RNF38: variants seen among roughly 807,000 people sequenced by gnomAD.
RNF38 encodes E3 ubiquitin-protein ligase RNF38.
RNF38 carries 15 observed loss-of-function variants against 67.2 expected under a neutral mutation model. The ratio of observed to expected loss-of-function variants is 0.22; its 90% confidence interval spans 0.15 to 0.34. The LOEUF (loss-of-function observed/expected upper bound fraction) is 0.34, where lower values mean the gene tolerates loss of function less well. Ranked by LOEUF, RNF38 falls within the 10% of genes least tolerant of loss-of-function variation. The pLI, the probability that RNF38 is intolerant of heterozygous loss-of-function variation, is 1.00. For missense variants in RNF38, 524 were observed against 639.9 expected (o/e 0.82, Z 1.95); for synonymous variants, 220 against 218.8 (o/e 1.01, Z -0.05).
chr9:36,397,496 T>C (rs988798508), intron 1 of RNF38, among the ~76,000 whole-genome samples: 2 of 152,206 alleles, frequency 1.3e-5, no homozygotes, highest in African/African-American at 4.8e-5. Flanking sequence ...TGTTCATTAC[T>C]GCCCAGCACC....
chr9:36,451,742 C>T (rs1183259038), intron 1 of RNF38, among the ~76,000 whole-genome samples: 8 of 151,282 alleles, frequency 5.3e-5, no homozygotes, highest in Admixed American at 4.6e-4. Flanking sequence ...TCAGGTGATC[C>T]GCCCACCTCG....
intron 4 of RNF38, among the ~76,000 whole-genome samples, chr9:36,360,361 T>C (rs989633774): frequency 1.3e-5 from 2 of 152,174 alleles, no homozygotes; most frequent in Non-Finnish European, 2.9e-5. Flanking sequence ...TAAATTCTGG[T>C]ATTTTTAAAA....
At chr9:36,475,901 C>G (rs1232721898) in intron 1 of RNF38, among the ~76,000 whole-genome samples, 1 of 149,680 alleles carries the variant, frequency 6.7e-6, no homozygotes, top group Non-Finnish European at 1.5e-5. Flanking sequence ...CCCAGCTACT[C>G]TGGAGGCTGA....
At chr9:36,408,666 C>G (rs938337094) in intron 2 of RNF38, among the ~76,000 whole-genome samples, 2 of 152,012 alleles carry the variant, frequency 1.3e-5, no homozygotes, top group African/African-American at 4.8e-5. Context: ...AGCTGGTGAC[C>G]AATGGGCCAT....
At chr9:36,356,881 T>A (rs1834160496) in intron 5 of RNF38, among the ~76,000 whole-genome samples, 1 of 152,188 alleles carries the variant, frequency 6.6e-6, no homozygotes, top group African/African-American at 2.4e-5. Flanking sequence ...CCTAGGATTT[T>A]CATAAGAGCA....
intron 1 of RNF38, among the ~76,000 whole-genome samples, chr9:36,445,971 TC>T (rs1168302005): frequency 4.6e-5 from 7 of 152,190 alleles, no homozygotes; most frequent in Non-Finnish European, 1.0e-4. Flanking sequence ...TGTTTTATTC[TC>T]CCACGTGCAT....
At chr9:36,440,607 G>A (rs1048141629) in intron 1 of RNF38, among the ~76,000 whole-genome samples, 2 of 150,382 alleles carry the variant, frequency 1.3e-5, no homozygotes, top group African/African-American at 4.9e-5. Flanking sequence ...CTGTTAAGTG[G>A]AAAAAAAAAG....
At chr9:36,379,061 T>C (rs1303167858) in intron 2 of RNF38, among the ~76,000 whole-genome samples, 1 of 152,052 alleles carries the variant, frequency 6.6e-6, no homozygotes, top group East Asian at 1.9e-4. Flanking sequence ...CCACCATGCC[T>C]GGCTAATTTC....
chr9:36,457,299 C>G (rs963784253), intron 1 of RNF38, among the ~76,000 whole-genome samples: 4 of 152,184 alleles, frequency 2.6e-5, no homozygotes, highest in African/African-American at 9.7e-5. Context: ...ATACTGCATA[C>G]AGGTAACACT....
chr9:36,339,781 C>T lies in RNF38; in HGVS notation c.1519G>A (p.Ala507Thr). ...TCTGAATCCCGATGCACTTCTGAAGCATCAGCTCGGCAAATTGGGCAAGTA... is the reference window on the plus strand; with the variant it reads ...TCTGAATCCCGATGCACTTCTGAAGTATCAGCTCGGCAAATTGGGCAAGTA... ...NRTCPICRAD[A>T]SEVHRDSE The change falls in exon 12 of 12, where the codon GCT becomes ACT. Residue 507 changes from alanine (A) to threonine (T), a missense_variant. Physicochemically the swap from Ala to Thr is moderately conservative, Grantham distance 58. This residue lies in a region of RNF38 where 63 missense variants were observed against 122.5 expected (regional missense o/e 0.51). Coordinates refer to ENST00000259605, the MANE Select transcript of RNF38 (RefSeq NM_022781.5). The T allele has an allele frequency of 1.2e-6, 2 of 1,613,512 alleles. No individual in the cohort carries two copies. Among genetic ancestry groups the T allele is most frequent in the Non-Finnish European group, 1.7e-6 (2 of 1,179,670 alleles).
rs754169454 is a variant in RNF38 at position 36,400,090 on chromosome 9, A to C, written c.12+7T>G. ...TCATTTTTGCAACACAAAGAAAAATACTTTACCTTACAAGCCATACAGACG... is the reference window on the plus strand; with the variant it reads ...TCATTTTTGCAACACAAAGAAAAATCCTTTACCTTACAAGCCATACAGACG... On this transcript the variant is annotated splice_region_variant and intron_variant, in intron 1 of 11. Transcript: ENST00000259605. 1.2e-6 allele frequency: 2 copies of C among 1,612,126 alleles called. No individual in the cohort carries two copies. The highest frequency in any genetic ancestry group is 1.7e-6 in the Non-Finnish European group (2 of 1,178,842).
upstream of RNF38, chr9:36,400,884 GCCCGGCCACGCCCCTCCCCGC>G (rs1222315118): frequency 1.0e-6 from 1 of 984,232 alleles, no homozygotes; most frequent in East Asian, 1.2e-4. Flanking sequence ...TAGGGGCCCG[GCCCGGCCACGCCCCTCCCCGC>G]CCCGCCGCGC....
chr9:36,400,285 T>C, upstream of RNF38: 1 of 1,304,342 alleles, frequency 7.7e-7, no homozygotes, highest in Non-Finnish European at 9.8e-7. Flanking sequence ...AGAGGACCCT[T>C]TCGACCGGGT....
At chr9:36,372,381 T>C (rs1835453671) in intron 3 of RNF38, 3 of 571,592 alleles carry the variant, frequency 5.2e-6, no homozygotes, top group Non-Finnish European at 9.4e-6. Flanking sequence ...TGAAGTTTAT[T>C]GTTAATTGAG....
At chr9:36,346,975 A>G (rs896538732) in intron 9 of RNF38, among the ~76,000 whole-genome samples, 4 of 151,716 alleles carry the variant, frequency 2.6e-5, no homozygotes, top group Non-Finnish European at 5.9e-5. Context: ...AAAAAATTAG[A>G]CAGGCATGGT....
rs932734992 is a variant in RNF38, at chr9:36,412,471, AT to A, written n.312+12141del. 3.2e-4 allele frequency among the ~76,000 whole-genome samples: 49 copies of A among 152,202 alleles called. 1 individual carries two copies. The highest frequency in any genetic ancestry group is 1.5e-5 in the Non-Finnish European group (1 of 68,032). ...AATGACCATGTGATATGGTTTGGAT[AT>A]TTGTCCCCTACAAATCTCATGTACT... is the stretch of plus-strand genomic sequence containing the variant. On this transcript the variant is annotated intron_variant and non_coding_transcript_variant, in intron 2 of 3. Transcript: ENST00000488058.
At chr9:36,429,937 C>T (rs1055954839) in intron 1 of RNF38, among the ~76,000 whole-genome samples, 1 of 152,074 alleles carries the variant, frequency 6.6e-6, no homozygotes, top group Non-Finnish European at 1.5e-5. Flanking sequence ...GGATGTGGAA[C>T]CTACAGATAT....
chr9:36,467,349 T>G (rs1839888438), intron 1 of RNF38, among the ~76,000 whole-genome samples: 2 of 150,754 alleles, frequency 1.3e-5, no homozygotes, highest in African/African-American at 4.9e-5. Flanking sequence ...GATGTCTACT[T>G]AAAATTTTTC....
intron 3 of RNF38, among the ~76,000 whole-genome samples, chr9:36,375,477 C>A (rs1445018380): frequency 6.6e-6 from 1 of 152,152 alleles, no homozygotes; most frequent in Non-Finnish European, 1.5e-5. Flanking sequence ...TAGGCATGAG[C>A]TACTACTGTG....
Sources: gnomAD v4.1 joint callset for allele counts (sites outside exome capture counted in the v4.1 genomes callset) on GRCh38, gnomAD v4.1.1 for gene constraint, gnomAD v4.1.1 regional missense constraint, MANE v1.5 for transcripts, NCBI Gene and HGNC (gene_info 2026-07-23, HGNC 2026-07-21) for gene names.